Variants in VPS51 observed in about 807,000 individuals in gnomAD.
VPS51 encodes VPS51 subunit of GARP complex.
VPS51 carries 55 observed loss-of-function variants against 65.1 expected under a neutral mutation model. That is an observed-to-expected ratio of 0.84 (90% CI 0.68 to 1.06). VPS51 has a LOEUF of 1.06. Among genes scored for constraint, VPS51 ranks in the 50% least tolerant of loss-of-function variants. VPS51 has a pLI of 0.00. For missense variants in VPS51, 943 were observed against 1,101.6 expected (o/e 0.86, Z 2.04); for synonymous variants, 473 against 489.5 (o/e 0.97, Z 0.44).
At position 65,107,407 on chromosome 11, in the gene VPS51, T is replaced by A; in HGVS notation, c.359-174T>A. On this transcript the variant is annotated intron_variant, in intron 2 of 9. Transcript: ENST00000279281. The surrounding 1 kb of genome is among the most constrained non-coding windows in gnomAD (Gnocchi z 4.0). The stretch of plus-strand genomic sequence containing the variant: ...GCCTGCTTTGGGAACATAAACCCCC[T>A]CCCCCGCCCCCATGTGCGCTGTGAC... 350 of 630,562 alleles carry A rather than the reference T, an allele frequency of 5.6e-4. No individual in the cohort carries two copies. The highest frequency in any genetic ancestry group is 8.3e-4 in the Non-Finnish European group (306 of 368,780). 39.1% of individuals were successfully genotyped at this position (630,562 alleles called of 1,614,324 possible). A position where few individuals can be genotyped will look rare whatever the true frequency, so the allele number is the denominator to read the frequency against.
chr11:65,098,793 T>G (rs1332250953), intron 2 of VPS51, among the ~76,000 whole-genome samples: 1 of 152,246 alleles, frequency 6.6e-6, no homozygotes, highest in African/African-American at 2.4e-5. Context: ...TGTTGGAATG[T>G]GTATAATAAT....
chr11:65,099,055 G>T (rs1185316394), intron 2 of VPS51, among the ~76,000 whole-genome samples: 1 of 152,146 alleles, frequency 6.6e-6, no homozygotes, highest in Non-Finnish European at 1.5e-5. Flanking sequence ...GGGCAAGGTG[G>T]TGCATGCCTG....
intron 2 of VPS51, among the ~76,000 whole-genome samples, chr11:65,106,856 G>C (rs2137188446): frequency 6.6e-6 from 1 of 152,286 alleles, no homozygotes; most frequent in African/African-American, 2.4e-5. Context: ...GGTGACAGGA[G>C]GAGGAGAAGA....
At position 65,110,873 on chromosome 11, in the gene VPS51, G is replaced by C. The variant is rs1590814566; in HGVS notation, c.2088+92G>C. The C allele has an allele frequency of 6.0e-6, 9 of 1,491,050 alleles. No homozygotes were observed. In the Admixed American group the frequency reaches 6.8e-5, roughly 11 times the overall value. 92.4% of individuals were successfully genotyped at this position (1,491,050 alleles called of 1,614,324 possible). ...CCTGCCCAAGGAGCCCCAGGACTCT[G>C]TGACCAACTGGGGGTGACCCTGACC... On this transcript the variant is annotated intron_variant, in intron 9 of 9. Coordinates refer to ENST00000279281, the MANE Select transcript of VPS51 (RefSeq NM_013265.4).
intron 9 of VPS51, 105 bp downstream of exon 9, chr11:65,110,886 G>A: frequency 2.9e-6 from 4 of 1,399,346 alleles, no homozygotes; most frequent in Non-Finnish European, 4.0e-6. Context: ...ACCAACTGGG[G>A]GTGACCCTGA....
rs922059202 is a variant in VPS51 at position 65,108,693 on chromosome 11, G to T, written c.1222G>T (p.Gly408Cys). 2 of 1,598,668 alleles carry T rather than the reference G, an allele frequency of 1.3e-6. No homozygotes were observed. Among genetic ancestry groups the T allele is most frequent in the Non-Finnish European group, 1.7e-6 (2 of 1,175,766 alleles). ...IVERVARERL[G>C]HHLQGLRAAF... Reference sequence around the variant, plus strand: ...GGAACGAGTGGCCCGCGAGCGCCTGGGCCACCACCTGCAGGGTCTCCGGGC... The same window carrying T: ...GGAACGAGTGGCCCGCGAGCGCCTGTGCCACCACCTGCAGGGTCTCCGGGC... The change falls in exon 5 of 10, where the codon GGC becomes TGC. Residue 408 changes from glycine to cysteine, a missense_variant. Gly to Cys is a radical substitution (Grantham distance 159). This residue lies in a region of VPS51 where 855 missense variants were observed against 953.7 expected (regional missense o/e 0.90). Transcript: ENST00000279281.
rs145959966 is a variant in VPS51, at chr11:65,108,638, C to T, written c.1167C>T (p.Ala389=). The change falls in exon 5 of 10, where the codon GCC becomes GCT. Residue 389 remains alanine, a synonymous_variant. Transcript: ENST00000279281. The part of the protein sequence containing the change: ...LRAPGALLAA[A]GLADAATEIV... ...CTCCCGGGGCCCTGCTGGCCGCTGC[C>T]GGGCTCGCAGACGCTGCCACGGAGA... 286 of 1,535,214 alleles carry T rather than the reference C, an allele frequency of 1.9e-4. 1 individual carries two copies. In the African/African-American group the frequency reaches 3.3e-3, roughly 18 times the overall value.
rs75866301 is a variant in VPS51 at position 65,110,589 on chromosome 11, C to G, written c.1986C>G (p.Pro662=). 101 of 1,614,068 alleles carry G rather than the reference C, an allele frequency of 6.3e-5. 1 individual carries two copies. In the East Asian group the frequency reaches 2.0e-3, roughly 32 times the overall value. ...SSSRQQGRYA[P]SYTPSAPMDT... ...CTCGGCAGCAGGGCCGCTACGCCCC[C>G]AGCTATACCCCCAGGTCTGGCTGGT... is the stretch of plus-strand genomic sequence containing the variant. Residue 662 remains proline (P), a synonymous_variant, in exon 8 of 10, where the codon CCC becomes CCG. Coordinates refer to ENST00000279281, the MANE Select transcript of VPS51 (RefSeq NM_013265.4).
intron 2 of VPS51, among the ~76,000 whole-genome samples, chr11:65,098,725 CAT>C (rs1947787878): frequency 6.6e-6 from 1 of 152,202 alleles, no homozygotes; most frequent in East Asian, 1.9e-4. Context: ...GGCAAGAAAT[CAT>C]AGTTTCTGTG....
Position 65,111,849 on chromosome 11 carries a change from A to T in VPS51, c.*262A>T. The T allele has an allele frequency of 1.0e-6, 1 of 975,780 alleles. No homozygotes were observed. The highest frequency in any genetic ancestry group is 1.5e-6 in the Non-Finnish European group (1 of 658,078). 60.4% of individuals were successfully genotyped at this position (975,780 alleles called of 1,614,324 possible). On this transcript the variant is annotated 3_prime_UTR_variant, in exon 10 of 10. Transcript: ENST00000279281. ...GGGCAGGGGGCGGTTCCACTTAAAA[A>T]CCCTGGGACGAGAGCGGTCCTTGTC...
Position 65,108,388 on chromosome 11 carries a change from A to G in VPS51, c.917A>G (p.His306Arg), listed in dbSNP as rs929602012. ...PAPDVLEFTD[H>R]GGSGFVGGLC... ...CCCGACGTGTTAGAGTTCACCGACC[A>G]TGGAGGCAGTGGCTTCGTGGGCGGC... Residue 306 changes from histidine to arginine, a missense_variant, in exon 5 of 10, where the codon CAT becomes CGT. Around this residue, in one of 2 missense-constraint regions of VPS51, gnomAD observed 855 missense variants for 953.7 expected, o/e 0.90. Transcript: ENST00000279281. The G allele has an allele frequency of 1.3e-5, 21 of 1,612,196 alleles. No individual in the cohort carries two copies. In the African/African-American group the frequency reaches 1.6e-4, roughly 12 times the overall value.
chr11:65,099,930 C>T (rs995222854), intron 2 of VPS51, among the ~76,000 whole-genome samples: 6 of 152,078 alleles, frequency 3.9e-5, no homozygotes, highest in African/African-American at 7.2e-5. Flanking sequence ...TGGTGAAACC[C>T]CATCTCTACT....
Position 65,108,904 on chromosome 11 carries a change from C to A in VPS51, c.1433C>A (p.Pro478His). 6.2e-7 allele frequency: 1 copy of A among 1,613,008 alleles called. No individual in the cohort carries two copies. Among genetic ancestry groups the A allele is most frequent in the Non-Finnish European group, 8.5e-7 (1 of 1,180,002 alleles). The change falls in exon 5 of 10, where the codon CCC becomes CAC. Residue 478 changes from proline (P) to histidine (H), a missense_variant. By Grantham distance (77) the Pro-to-His change is moderately conservative (BLOSUM62 -2). This residue lies in a region of VPS51 where 855 missense variants were observed against 953.7 expected (regional missense o/e 0.90). Coordinates refer to ENST00000279281, the MANE Select transcript of VPS51 (RefSeq NM_013265.4). ...AAAGAGGTGTCCTTCTCCAACAAGC[C>A]CTACTTCCGGGTACGCCTCCTCTTG... Reference protein sequence around the residue: ...TAKEVSFSNKPYFRGEFCSQG... With the variant: ...TAKEVSFSNKHYFRGEFCSQG...
chr11:65,100,525 G>GTTTT (rs36120079), intron 2 of VPS51, among the ~76,000 whole-genome samples: 31 of 65,638 alleles, frequency 4.7e-4, no homozygotes, highest in East Asian at 1.4e-3. Flanking sequence ...TCATAGCAGT[G>GTTTT]TTTTTTTTTT....
chr11:65,109,726 G>C lies in VPS51; in HGVS notation c.1681G>C (p.Val561Leu). The change falls in exon 7 of 10, where the codon GTG becomes CTG. Residue 561 changes from valine (V) to leucine (L), a missense_variant. Val to Leu is a conservative substitution (Grantham distance 32). Transcript: ENST00000279281. ...LVQDQFPVTP[V>L]STLCAEARET... ...TCAGGATCAGTTCCCAGTGACGCCC[G>C]TGAGCACGCTGTGTGCAGAGGCCAG... 1.3e-6 allele frequency: 2 copies of C among 1,579,872 alleles called. No individual in the cohort carries two copies. Among genetic ancestry groups the C allele is most frequent in the South Asian group, 1.2e-5 (1 of 86,890 alleles).
At chr11:65,100,944 C>T (rs1339981328) in intron 2 of VPS51, among the ~76,000 whole-genome samples, 1 of 152,120 alleles carries the variant, frequency 6.6e-6, no homozygotes, top group Non-Finnish European at 1.5e-5. Flanking sequence ...GAATATTATT[C>T]AGCCATAAAA....
chr11:65,098,785 T>C (rs954076132), intron 2 of VPS51, among the ~76,000 whole-genome samples: 3 of 152,228 alleles, frequency 2.0e-5, no homozygotes, highest in Non-Finnish European at 4.4e-5. Flanking sequence ...TTTCCATTTG[T>C]TGGAATGTGT....
chr11:65,107,553 C>G lies in VPS51; in HGVS notation c.359-28C>G, dbSNP rs776852954. 6.4e-7 allele frequency: 1 copy of G among 1,559,356 alleles called. No individual in the cohort carries two copies. Among genetic ancestry groups the G allele is most frequent in the Non-Finnish European group, 8.7e-7 (1 of 1,145,312 alleles). On this transcript the variant is annotated intron_variant, in intron 2 of 9. Coordinates refer to ENST00000279281, the MANE Select transcript of VPS51 (RefSeq NM_013265.4). This position sits in a 1 kb window ranked among gnomAD's most constrained non-coding sequence, Gnocchi z 4.0. ...CGCCCGCCCTGCAGTCACCTGCTCTCCCCTTTTCCCCGCCCCTGCCCTCCT... is the reference window on the plus strand; with the variant it reads ...CGCCCGCCCTGCAGTCACCTGCTCTGCCCTTTTCCCCGCCCCTGCCCTCCT...
At chr11:65,097,171 A>G in intron 2 of VPS51, 44 bp downstream of exon 2, 1 of 1,611,744 alleles carries the variant, frequency 6.2e-7, no homozygotes, top group Non-Finnish European at 8.5e-7. Flanking sequence ...CACAGCCCCC[A>G]TTCTCCCACC....
Sources: allele counts gnomAD v4.1 joint callset (sites outside exome capture counted in the v4.1 genomes callset), GRCh38; gene constraint gnomAD v4.1.1; regional missense constraint gnomAD v4.1.1; non-coding constraint Gnocchi (gnomAD v3.1); transcripts MANE v1.5; gene names NCBI Gene and HGNC (gene_info 2026-07-23, HGNC 2026-07-21).